The following LIMS1 variants were observed in gnomAD, a reference collection of about 807,000 sequenced individuals.
The protein encoded by LIMS1 is LIM and senescent cell antigen-like-containing domain protein 1.
A neutral mutation model predicts 44.1 loss-of-function variants in LIMS1; 18 were observed. The ratio of observed to expected loss-of-function variants is 0.41; its 90% confidence interval spans 0.28 to 0.61. The LOEUF (loss-of-function observed/expected upper bound fraction) is 0.61, where lower values mean the gene tolerates loss of function less well. LIMS1 is among the 20% of genes least tolerant of loss of function. The probability of loss-of-function intolerance (pLI) is 0.32; values close to 1 mark genes in which losing one functional copy is unlikely to be tolerated. For missense variants in LIMS1, 201 were observed against 422.0 expected, an observed-to-expected ratio of 0.48 and a Z score of 4.59; for synonymous variants, 93 against 149.1, an observed-to-expected ratio of 0.62 and a Z score of 2.74.
intron 1 of LIMS1, chr2:108,621,397 T>C: frequency 6.4e-7 from 1 of 1,550,670 alleles, no homozygotes; most frequent in Middle Eastern, 1.7e-4. Flanking sequence ...TTCAGGTCTC[T>C]ACAGGAGAAG....
chr2:108,585,671 G>C (rs1686071417), intron 1 of LIMS1, among the ~76,000 whole-genome samples: 1 of 152,110 alleles, frequency 6.6e-6, no homozygotes, highest in African/African-American at 2.4e-5. Flanking sequence ...GCCAGGCAGA[G>C]GCTCTTGCAA....
intron 1 of LIMS1, among the ~76,000 whole-genome samples, chr2:108,594,469 A>G (rs776176636): frequency 1.3e-5 from 2 of 152,220 alleles, no homozygotes; most frequent in Non-Finnish European, 2.9e-5. Context: ...TCTACATTAC[A>G]GATGAAGAAT....
At chr2:108,645,473 T>C (rs1095556) in intron 1 of LIMS1, among the ~76,000 whole-genome samples, 56,969 of 151,950 alleles carry the variant, frequency 0.37, 11,293 homozygotes, top group Middle Eastern at 0.52. Flanking sequence ...AGGCCTGCCT[T>C]ACAAGAACTC....
chr2:108,680,398 G>A (rs112955021), intron 8 of LIMS1, among the ~76,000 whole-genome samples: 2 of 128,678 alleles, frequency 1.6e-5, no homozygotes, highest in Admixed American at 7.7e-5. Context: ...TTAGCCAGGT[G>A]TAGTGGCATG....
chr2:108,685,586 C>T (rs1472453264), exon 10 of LIMS1: 1 of 151,968 alleles, frequency 6.6e-6, no homozygotes, highest in African/African-American at 2.4e-5. Flanking sequence ...TTTCAGATAC[C>T]CTACAACCAA....
intron 1 of LIMS1, among the ~76,000 whole-genome samples, chr2:108,643,587 A>AT (rs1436334856): frequency 2.3e-5 from 3 of 129,550 alleles, no homozygotes; most frequent in Non-Finnish European, 5.4e-5. Flanking sequence ...CGAGCTAGCC[A>AT]GTTTTTTTTT....
intron 1 of LIMS1, among the ~76,000 whole-genome samples, chr2:108,544,045 C>T (rs1392489614): frequency 6.6e-6 from 1 of 152,116 alleles, no homozygotes; most frequent in African/African-American, 2.4e-5. Context: ...TTCTCTCCCT[C>T]TCTCTTTTCT....
chr2:108,639,016 G>A (rs934371717), intron 1 of LIMS1, among the ~76,000 whole-genome samples: 7 of 151,960 alleles, frequency 4.6e-5, no homozygotes, highest in Admixed American at 1.3e-4. Context: ...GCACTCCAGC[G>A]TGGGTGACAG....
intron 8 of LIMS1, among the ~76,000 whole-genome samples, chr2:108,679,022 A>C (rs1277048281): frequency 6.6e-6 from 1 of 152,192 alleles, no homozygotes; most frequent in African/African-American, 2.4e-5. Context: ...AGCCCTCCGT[A>C]TCCAGGGGCT....
exon 1 of LIMS1, chr2:108,534,430 C>G (rs1225014698): frequency 3.2e-6 from 2 of 621,932 alleles, no homozygotes; most frequent in East Asian, 1.1e-4. Flanking sequence ...CCCGCGCGGC[C>G]GGCCCCTGGC....
intron 1 of LIMS1, among the ~76,000 whole-genome samples, chr2:108,614,066 G>A (rs1038753545): frequency 6.6e-6 from 1 of 152,200 alleles, no homozygotes; most frequent in African/African-American, 2.4e-5. Context: ...CTAAAGGTGT[G>A]TGAGGTGCAC....
At chr2:108,664,225 C>G (rs186830851) in intron 2 of LIMS1, among the ~76,000 whole-genome samples, 1 of 152,168 alleles carries the variant, frequency 6.6e-6, no homozygotes, top group Non-Finnish European at 1.5e-5. Context: ...TTATGACAAA[C>G]CAGTATAAAG....
intron 1 of LIMS1, among the ~76,000 whole-genome samples, chr2:108,539,646 A>G (rs1415753177): frequency 1.3e-5 from 2 of 152,224 alleles, no homozygotes; most frequent in Non-Finnish European, 2.9e-5. Context: ...GAGGGAGTCT[A>G]GGCACCTGAG....
exon 10 of LIMS1, chr2:108,685,344 C>T (rs1217302415): frequency 3.3e-5 from 5 of 152,066 alleles, no homozygotes; most frequent in African/African-American, 4.8e-5. Context: ...TAATGGAAAG[C>T]GAGCTTTATG....
intron 1 of LIMS1, among the ~76,000 whole-genome samples, chr2:108,610,634 A>G (rs955866316): frequency 6.6e-6 from 1 of 152,132 alleles, no homozygotes; most frequent in Admixed American, 6.5e-5. Flanking sequence ...TACCCCACCC[A>G]TAATCAAATG....
intron 3 of LIMS1, among the ~76,000 whole-genome samples, chr2:108,671,340 A>G (rs985202598): frequency 2.6e-5 from 4 of 152,006 alleles, no homozygotes; most frequent in South Asian, 2.1e-4. Flanking sequence ...CCTAGAGATC[A>G]TTGATTTTTA....
intron 1 of LIMS1, among the ~76,000 whole-genome samples, chr2:108,602,966 T>C (rs928264229): frequency 1.2e-4 from 19 of 152,052 alleles, no homozygotes; most frequent in Non-Finnish European, 1.5e-5. Flanking sequence ...CTTATTTGTA[T>C]TTTTAGGGTT....
intron 1 of LIMS1, among the ~76,000 whole-genome samples, chr2:108,551,919 ATG>A (rs111801507): frequency 0.052 from 6,888 of 132,370 alleles, 221 homozygotes; most frequent in South Asian, 0.12. Context: ...ATGTGTGTAT[ATG>A]TGTATATATG....
intron 1 of LIMS1, among the ~76,000 whole-genome samples, chr2:108,585,704 A>G (rs987088774): frequency 3.9e-5 from 6 of 152,114 alleles, no homozygotes; most frequent in African/African-American, 1.4e-4. Context: ...TGGGATGACA[A>G]GAGGGATAAA....
Sources: allele counts gnomAD v4.1 joint callset (sites outside exome capture counted in the v4.1 genomes callset), GRCh38; gene constraint gnomAD v4.1.1; transcripts MANE v1.5; gene names NCBI Gene and HGNC (gene_info 2026-07-23, HGNC 2026-07-21).